The following CLTB variants were observed in gnomAD, a reference collection of about 807,000 sequenced individuals.
The protein encoded by CLTB is clathrin light chain B, also known as clathrin, light chain (Lcb).
Under a neutral mutation model 30.5 loss-of-function variants are expected in CLTB, and 10 were observed. The ratio of observed to expected loss-of-function variants is 0.33; its 90% confidence interval spans 0.20 to 0.56. The LOEUF (loss-of-function observed/expected upper bound fraction) is 0.56. Among genes scored for constraint, CLTB ranks in the 20% least tolerant of loss-of-function variants. The probability of loss-of-function intolerance (pLI) is 0.91; values close to 1 mark genes in which losing one functional copy is unlikely to be tolerated. For missense variants in CLTB, 261 were observed against 308.3 expected, an observed-to-expected ratio of 0.85 and a Z score of 1.15; for synonymous variants, 102 against 120.3, an observed-to-expected ratio of 0.85 and a Z score of 1.00.
chr5:176,406,300 G>A, intron 2 of CLTB: 2 of 1,056,166 alleles, frequency 1.9e-6, no homozygotes, highest in Non-Finnish European at 2.3e-6. Flanking sequence ...AAGGCAGGAG[G>A]CGACAGTCAG....
intron 5 of CLTB, among the ~76,000 whole-genome samples, chr5:176,394,409 C>T (rs958559693): frequency 1.8e-4 from 27 of 152,224 alleles, no homozygotes; most frequent in African/African-American, 6.0e-4. Context: ...CAGTGGCTCA[C>T]TCCTGTAATC....
In CLTB at chr5:176,416,335, G is replaced by C. The variant is rs751482171; in HGVS notation, c.29C>G (p.Ser10Trp). The C allele has an allele frequency of 1.1e-5, 17 of 1,601,492 alleles. No individual in the cohort carries two copies. In the Admixed American group the frequency reaches 2.5e-4, roughly 24 times the overall value. The change falls in exon 1 of 6, where the codon TCG becomes TGG. Residue 10 changes from serine (S) to tryptophan (W), a missense_variant. Physicochemically the swap from Ser to Trp is radical, Grantham distance 177. This residue lies in a region of CLTB where 113 missense variants were observed against 102.5 expected (regional missense o/e 1.10). Coordinates refer to ENST00000310418, the MANE Select transcript of CLTB (RefSeq NM_007097.5). The stretch of plus-strand genomic sequence containing the variant: ...CGCCTCCGGGGCACCGCTCTCCGAC[G>C]ACGAGAAGAAGCCAAAGTCATCAGC... MADDFGFFSSSESGAPEAAE... is the reference protein window; with the variant it reads MADDFGFFSWSESGAPEAAE...
At chr5:176,394,286 G>A (rs77213819) in intron 5 of CLTB, among the ~76,000 whole-genome samples, 1,687 of 152,344 alleles carry the variant, frequency 0.011, 45 homozygotes, top group African/African-American at 0.038. Context: ...TGACGACAGA[G>A]CCTGTCAGAA....
At chr5:176,402,757 G>A (rs1446600814) in intron 2 of CLTB, among the ~76,000 whole-genome samples, 3 of 152,210 alleles carry the variant, frequency 2.0e-5, no homozygotes, top group African/African-American at 4.8e-5. Context: ...CCTCACAAAT[G>A]AGAACCATGG....
At position 176,407,160 on chromosome 5, in the gene CLTB, G is replaced by T. The variant is rs535012565; in HGVS notation, c.234+3097C>A. ...ACAGCTCACCCACGGCTGACAGGTC[G>T]GGAGGGAGAAGGCGGGGGGCCAAGT... On this transcript the variant is annotated intron_variant, in intron 2 of 5. Transcript: ENST00000310418. 3.3e-5 allele frequency among the ~76,000 whole-genome samples: 5 copies of T among 152,314 alleles called. No homozygotes were observed. In the Middle Eastern group the frequency reaches 0.017, roughly 518 times the overall value.
chr5:176,395,580 A>G (rs970951005), intron 5 of CLTB, among the ~76,000 whole-genome samples: 8 of 152,010 alleles, frequency 5.3e-5, no homozygotes, highest in African/African-American at 1.9e-4. Flanking sequence ...AATCCCCACC[A>G]CCACCCTCCA....
chr5:176,401,780 G>C (rs1429699641), intron 2 of CLTB: 1 of 456,176 alleles, frequency 2.2e-6, no homozygotes, highest in Admixed American at 2.4e-5. Context: ...AATTTCCCGA[G>C]GGTGCTGAGG....
chr5:176,416,448 T>A lies in CLTB; in HGVS notation c.-85A>T. 1 of 1,113,678 alleles carries A rather than the reference T, an allele frequency of 9.0e-7. No homozygotes were observed. The allele number at this position is 1,113,678 out of a possible 1,614,324, so 69.0% of individuals were successfully genotyped here. A position where few individuals can be genotyped will look rare whatever the true frequency, so the allele number is the denominator to read the frequency against. On this transcript the variant is annotated 5_prime_UTR_variant, in exon 1 of 6. Transcript: ENST00000310418. ...GCTGCGTCCGGCGGCCGCGACGCTG[T>A]CACCCGAGCCGCGGGGGAGCCGGCG...
intron 1 of CLTB, 126 bp from the exon 2 acceptor site, chr5:176,410,429 C>T (rs1471312041): frequency 7.3e-6 from 5 of 684,460 alleles, no homozygotes. Flanking sequence ...CACATGCAAA[C>T]AGACATAATG....
chr5:176,405,211 C>A (rs1470327984), intron 2 of CLTB, among the ~76,000 whole-genome samples: 2 of 152,080 alleles, frequency 1.3e-5, no homozygotes, highest in Admixed American at 6.5e-5. Flanking sequence ...AGTTTGGGAC[C>A]AGGTGCAGCG....
chr5:176,396,624 C>G (rs535983644), intron 4 of CLTB, 92 bp from the exon 5 acceptor site: 12 of 853,674 alleles, frequency 1.4e-5, no homozygotes, highest in African/African-American at 3.3e-5. Context: ...GAGAGAGAGA[C>G]AGCATTAGTA....
chr5:176,398,140 C>G, intron 2 of CLTB, 93 bp from the exon 3 acceptor site: 1 of 1,173,500 alleles, frequency 8.5e-7, no homozygotes, highest in Non-Finnish European at 1.3e-6. Flanking sequence ...GTCTGGATAA[C>G]TCAGCCTCAA....
chr5:176,413,714 C>A (rs141096211), intron 1 of CLTB, among the ~76,000 whole-genome samples: 1 of 152,216 alleles, frequency 6.6e-6, no homozygotes, highest in African/African-American at 2.4e-5. Context: ...CATCCCTGGT[C>A]AGGGGAAGAT....
At chr5:176,412,638 C>A (rs77134361) in intron 1 of CLTB, among the ~76,000 whole-genome samples, 3,541 of 152,232 alleles carry the variant, frequency 0.023, 62 homozygotes, top group Non-Finnish European at 0.037. Context: ...CCTGGGGACT[C>A]AAGGGAAGGG....
At chr5:176,407,014 C>T (rs957253539) in intron 2 of CLTB, among the ~76,000 whole-genome samples, 2 of 152,186 alleles carry the variant, frequency 1.3e-5, no homozygotes, top group Non-Finnish European at 2.9e-5. Context: ...TAAGGATTCT[C>T]GGATGGCACT....
chr5:176,399,611 A>G (rs1461122342), intron 2 of CLTB, among the ~76,000 whole-genome samples: 1 of 151,986 alleles, frequency 6.6e-6, no homozygotes, highest in Non-Finnish European at 1.5e-5. Context: ...ATGGAAAAAA[A>G]GGCCAGGCAC....
intron 2 of CLTB, among the ~76,000 whole-genome samples, chr5:176,403,185 G>C (rs1756914194): frequency 6.6e-6 from 1 of 151,644 alleles, no homozygotes; most frequent in Non-Finnish European, 1.5e-5. Context: ...AAGTAGGTGG[G>C]ATTACAGGCA....
intron 2 of CLTB, 74 bp downstream of exon 2, chr5:176,410,183 A>C: frequency 1.5e-6 from 2 of 1,292,578 alleles, no homozygotes; most frequent in Non-Finnish European, 2.2e-6. Context: ...CTGTAAGCCT[A>C]CAACAATGAG....
At chr5:176,398,802 T>G (rs368051993) in intron 2 of CLTB, among the ~76,000 whole-genome samples, 31 of 152,226 alleles carry the variant, frequency 2.0e-4, no homozygotes, top group African/African-American at 7.5e-4. Flanking sequence ...CTCTCTATTG[T>G]GGTTGTATTA....
Sources: allele counts gnomAD v4.1 joint callset (sites outside exome capture counted in the v4.1 genomes callset), GRCh38; gene constraint gnomAD v4.1.1; regional missense constraint gnomAD v4.1.1; transcripts MANE v1.5; gene names NCBI Gene and HGNC (gene_info 2026-07-23, HGNC 2026-07-21).